OPHN1: variants seen among roughly 807,000 people sequenced by gnomAD.
OPHN1 encodes the protein oligophrenin 1.
A neutral mutation model predicts 60.7 loss-of-function variants in OPHN1; 11 were observed. The ratio of observed to expected loss-of-function variants is 0.18; its 90% confidence interval spans 0.11 to 0.30. OPHN1 has a LOEUF of 0.30. Among genes scored for constraint, OPHN1 ranks in the 10% least tolerant of loss-of-function variants. OPHN1 has a pLI of 1.00. For missense variants in OPHN1, 449 were observed against 611.0 expected (o/e 0.73, Z 2.80); for synonymous variants, 226 against 222.6 (o/e 1.02, Z -0.14).
chrX:68,424,333 C>T (rs1315073560), intron 2 of OPHN1, among the ~76,000 whole-genome samples: 1 of 111,578 alleles, frequency 9.0e-6, no homozygotes, highest in African/African-American at 3.3e-5. Flanking sequence ...CACTGTATCC[C>T]CAGTTTCCAG....
At chrX:68,388,184 A>C (rs971078706) in intron 2 of OPHN1, among the ~76,000 whole-genome samples, 1 of 104,235 alleles carries the variant, frequency 9.6e-6, no homozygotes, top group Non-Finnish European at 2.0e-5. Flanking sequence ...TTTGGGCCAG[A>C]TGCAGTGGCT....
intron 2 of OPHN1, among the ~76,000 whole-genome samples, chrX:68,352,747 T>C (rs925215699): frequency 8.9e-6 from 1 of 112,057 alleles, no homozygotes; most frequent in Non-Finnish European, 1.9e-5. Context: ...TAGACAACTA[T>C]TTTTAAAACT....
rs1405542523 is a variant in OPHN1, at chrX:68,042,728, C to T, written c.*4444G>A. The T allele has an allele frequency of 2.4e-5, 2 of 83,816 alleles. No homozygotes were observed. The highest frequency in any genetic ancestry group is 4.6e-5 in the Non-Finnish European group (2 of 43,759). The allele number at this position is 83,816 out of a possible 1,213,427, so 6.9% of individuals were successfully genotyped here. A position where few individuals can be genotyped will look rare whatever the true frequency, so the allele number is the denominator to read the frequency against. The stretch of plus-strand genomic sequence containing the variant: ...TTAAAAAGTCAGGAAACAACAGGTG[C>T]TGGAGAGGATGCGGAGAAATAGGAA... On this transcript the variant is annotated 3_prime_UTR_variant, in exon 25 of 25. Coordinates refer to ENST00000355520, the MANE Select transcript of OPHN1 (RefSeq NM_002547.3).
At chrX:68,181,354 C>T (rs375940552) in intron 15 of OPHN1, among the ~76,000 whole-genome samples, 2 of 111,531 alleles carry the variant, frequency 1.8e-5, no homozygotes, top group Non-Finnish European at 3.8e-5. Context: ...ATTAAAATTG[C>T]CAGATAAAAT....
At chrX:68,389,795 T>G (rs2147753265) in intron 2 of OPHN1, among the ~76,000 whole-genome samples, 1 of 110,227 alleles carries the variant, frequency 9.1e-6, no homozygotes, top group South Asian at 3.9e-4. Flanking sequence ...TATGTGACTT[T>G]GGGCGAGGGG....
intron 15 of OPHN1, among the ~76,000 whole-genome samples, chrX:68,136,667 ATTACT>A (rs1307939697): frequency 9.0e-6 from 1 of 111,695 alleles, no homozygotes; most frequent in Non-Finnish European, 1.9e-5. Flanking sequence ...AATTTTGTGC[ATTACT>A]TTCTTCATCT....
chrX:68,433,500 G>T, upstream of OPHN1: 1 of 283,434 alleles, frequency 3.5e-6, no homozygotes, highest in Non-Finnish European at 6.2e-6. Context: ...TTCCTTGGCC[G>T]AACTCCGCGG....
chrX:68,076,616 T>C (rs763146902), intron 19 of OPHN1, among the ~76,000 whole-genome samples: 1 of 111,907 alleles, frequency 8.9e-6, no homozygotes, highest in Admixed American at 9.5e-5. Context: ...GTTTTACGTT[T>C]TCTTTAAAAA....
At chrX:68,170,127 G>A (rs1393958771) in intron 15 of OPHN1, among the ~76,000 whole-genome samples, 4 of 110,351 alleles carry the variant, frequency 3.6e-5, no homozygotes, top group African/African-American at 9.9e-5. Flanking sequence ...CGAAGGACAC[G>A]AACAGACACT....
chrX:68,075,230 C>T (rs183898756), intron 19 of OPHN1, among the ~76,000 whole-genome samples: 6 of 112,040 alleles, frequency 5.4e-5, no homozygotes, highest in African/African-American at 1.6e-4. Context: ...AGTATCCCTA[C>T]GTTGAGAAGA....
At chrX:68,279,250 C>T (rs1395381352) in intron 4 of OPHN1, among the ~76,000 whole-genome samples, 2 of 103,757 alleles carry the variant, frequency 1.9e-5, no homozygotes, top group Non-Finnish European at 3.9e-5. Context: ...GTAGCTGGGA[C>T]TAGAGATGCA....
chrX:68,229,623 T>A (rs187004533), intron 6 of OPHN1, among the ~76,000 whole-genome samples: 1 of 111,557 alleles, frequency 9.0e-6, no homozygotes, highest in East Asian at 2.8e-4. Context: ...TCTACAACCA[T>A]CTGATCTTTG....
At chrX:68,169,332 T>C (rs1402083284) in intron 15 of OPHN1, among the ~76,000 whole-genome samples, 45 of 111,458 alleles carry the variant, frequency 4.0e-4, no homozygotes, top group African/African-American at 1.4e-3. Flanking sequence ...GAAGAATCAA[T>C]ATTGTGAAAA....
Position 68,430,527 on chromosome X carries a change from A to T in OPHN1, c.154+2340T>A, listed in dbSNP as rs141304664. Among the ~76,000 whole-genome samples the T allele has an allele frequency of 9.8e-3, 1,097 of 111,425 alleles. 16 individuals carry two copies. Among genetic ancestry groups the T allele is most frequent in the African/African-American group, 0.034 (1,048 of 30,693 alleles). On this transcript the variant is annotated intron_variant, in intron 2 of 24. Coordinates refer to ENST00000355520, the MANE Select transcript of OPHN1 (RefSeq NM_002547.3). ...TGACTCTTATCACTTTGAGTCTTAG[A>T]AAAGAAGGAAAGAGGCCAGGCGTGG... is the stretch of plus-strand genomic sequence containing the variant.
intron 15 of OPHN1, among the ~76,000 whole-genome samples, chrX:68,164,576 TCCAGACATTG>T (rs1439912411): frequency 8.9e-6 from 1 of 112,154 alleles, no homozygotes; most frequent in Admixed American, 9.5e-5. Context: ...TGTGTTTTCA[TCCAGACATTG>T]CTGTTCCATT....
rs1163192446 is a variant in OPHN1, at chrX:68,393,885, G to GTTTTTTTTTTTTTTTT, written c.154+38966_154+38981dup. 2.6e-4 allele frequency among the ~76,000 whole-genome samples: 9 copies of GTTTTTTTTTTTTTTTT among 34,587 alleles called. 3 individuals are homozygous for GTTTTTTTTTTTTTTTT. The highest frequency in any genetic ancestry group is 3.0e-4 in the Non-Finnish European group (6 of 20,294). The allele number at this position is 34,587 out of a possible 115,157, so 30.0% of individuals were successfully genotyped here. On this transcript the variant is annotated intron_variant, in intron 2 of 24. Transcript: ENST00000355520. ...CTATCAAGGTGATCCAATAGACTTTGTTTTTTTTTTTTTTTTTTTTTTTTT... is the reference window on the plus strand; with the variant it reads ...CTATCAAGGTGATCCAATAGACTTTGTTTTTTTTTTTTTTTTTTTTTTTTTTTTTTTTTTTTTTTTT...
chrX:68,187,206 G>A (rs1386807323), intron 15 of OPHN1, among the ~76,000 whole-genome samples: 1 of 111,596 alleles, frequency 9.0e-6, no homozygotes, highest in Admixed American at 9.5e-5. Context: ...GGTTCCCAAA[G>A]GTGTCCACAT....
intron 4 of OPHN1, among the ~76,000 whole-genome samples, 173 bp from the exon 5 acceptor site, chrX:68,274,982 G>C (rs982693997): frequency 5.3e-5 from 6 of 112,190 alleles, no homozygotes; most frequent in African/African-American, 1.9e-4. Context: ...AAAATCAAAT[G>C]CATTGAGAAG....
At chrX:68,223,703 T>C (rs1004888599) in intron 6 of OPHN1, among the ~76,000 whole-genome samples, 5 of 110,833 alleles carry the variant, frequency 4.5e-5, no homozygotes, top group Non-Finnish European at 9.4e-5. Flanking sequence ...GAAATAACAA[T>C]TAAAATGTAA....
Sources: gnomAD v4.1 joint callset for allele counts (sites outside exome capture counted in the v4.1 genomes callset) on GRCh38, gnomAD v4.1.1 for gene constraint, MANE v1.5 for transcripts, NCBI Gene and HGNC (gene_info 2026-07-23, HGNC 2026-07-21) for gene names.